Variants in CHRNB2 observed in about 807,000 individuals in gnomAD.
The protein encoded by CHRNB2 is cholinergic receptor nicotinic beta 2 subunit, also known as neuronal acetylcholine receptor subunit beta-2.
In CHRNB2, 33 loss-of-function variants were observed where a neutral mutation model predicts 42.7. The ratio of observed to expected loss-of-function variants is 0.77; its 90% CI spans 0.59 to 1.03. CHRNB2 has a LOEUF of 1.03. CHRNB2 is among the 50% of genes least tolerant of loss of function. CHRNB2 has a pLI of 0.00. For missense variants in CHRNB2, 603 were observed against 700.9 expected (o/e 0.86, Z 1.58); for synonymous variants, 325 against 292.9 (o/e 1.11, Z -1.12).
intron 5 of CHRNB2, among the ~76,000 whole-genome samples, chr1:154,572,362 T>C (rs951894685): frequency 2.6e-5 from 4 of 151,972 alleles, no homozygotes; most frequent in African/African-American, 9.7e-5. Context: ...GCGGCCTAAA[T>C]TGGAGTCGGT....
chr1:154,571,072 G>GGAT lies in CHRNB2; in HGVS notation c.366-116_366-115insATG. On this transcript the variant is annotated intron_variant, in intron 4 of 5. Transcript: ENST00000368476. The surrounding 1 kb of genome is among the most constrained non-coding windows in gnomAD (Gnocchi z 6.8). ...CTCCTGGATGGTTACTCTCAGATCT[G>GGAT]GGTGTCCCCTCCCCATGTCTCCCTC... 1 of 1,595,410 alleles carries GGAT rather than the reference G, an allele frequency of 6.3e-7. No homozygotes were observed. The highest frequency in any genetic ancestry group is 2.2e-5 in the East Asian group (1 of 44,750).
In CHRNB2 at chr1:154,579,440, G is replaced by A. The variant is rs1696347128; in HGVS notation, c.*3508G>A. On this transcript the variant is annotated 3_prime_UTR_variant, in exon 6 of 6. Transcript: ENST00000368476. ...CACTCTTGCTATAGCCGCTGAGGCA[G>A]GCAGAAGAGCTCCTTGGGAGGAAAG... 6.6e-6 allele frequency: 1 copy of A among 152,240 alleles called. No individual in the cohort carries two copies. 9.4% of individuals were successfully genotyped at this position (152,240 alleles called of 1,614,324 possible).
intron 5 of CHRNB2, among the ~76,000 whole-genome samples, chr1:154,574,783 A>G (rs1218592080): frequency 6.6e-6 from 1 of 152,246 alleles, no homozygotes; most frequent in Admixed American, 6.5e-5. Flanking sequence ...AGTGTGTAGC[A>G]TGGTGCCAGG....
At chr1:154,575,728 T>C (rs750223954) in intron 5 of CHRNB2, 34 bp from the exon 6 acceptor site, 32 of 1,613,476 alleles carry the variant, frequency 2.0e-5, no homozygotes, top group Non-Finnish European at 2.2e-5. Context: ...TCCTGCATCA[T>C]GTGACCTGGG....
chr1:154,571,709 C>G lies in CHRNB2; in HGVS notation c.886C>G (p.Leu296Val). 1 of 1,614,198 alleles carries G rather than the reference C, an allele frequency of 6.2e-7. No individual in the cohort carries two copies. The highest frequency in any genetic ancestry group is 8.5e-7 in the Non-Finnish European group (1 of 1,180,012). ...IVPPTSLDVPLVGKYLMFTMV... is the reference protein window; with the variant it reads ...IVPPTSLDVPVVGKYLMFTMV... ...GCCTCCCACCTCCCTCGACGTGCCGCTCGTCGGCAAGTACCTCATGTTCAC... is the reference window on the plus strand; with the variant it reads ...GCCTCCCACCTCCCTCGACGTGCCGGTCGTCGGCAAGTACCTCATGTTCAC... Residue 296 changes from leucine to valine, a missense_variant, in exon 5 of 6, where the codon CTC (leucine) becomes GTC (valine). Coordinates refer to ENST00000368476, the MANE Select transcript of CHRNB2 (RefSeq NM_000748.3). The surrounding 1 kb of genome is among the most constrained non-coding windows in gnomAD (Gnocchi z 6.8).
chr1:154,569,769 GCAGC>G lies in CHRNB2; in HGVS notation c.211-21_211-18del. Reference sequence around the variant, plus strand: ...CCCCACAGGCTTAGGGGCCTTCTCGGCAGCCTCTCTTCCTCCCTGCAGCATGAGC... The same window carrying G: ...CCCCACAGGCTTAGGGGCCTTCTCGGCTCTCTTCCTCCCTGCAGCATGAGC... On this transcript the variant is annotated intron_variant, in intron 2 of 5. Coordinates refer to ENST00000368476, the MANE Select transcript of CHRNB2 (RefSeq NM_000748.3). 1 of 1,614,094 alleles carries G rather than the reference GCAGC, an allele frequency of 6.2e-7. No individual in the cohort carries two copies. Among genetic ancestry groups the G allele is most frequent in the Non-Finnish European group, 8.5e-7 (1 of 1,180,010 alleles).
chr1:154,575,317 GA>G, intron 5 of CHRNB2, among the ~76,000 whole-genome samples: 1 of 152,212 alleles, frequency 6.6e-6, no homozygotes, highest in Non-Finnish European at 1.5e-5. Context: ...ACCCAGAGCA[GA>G]CAGCAGTTCA....
Position 154,571,723 on chromosome 1 carries a change from C to A in CHRNB2, c.900C>A (p.Tyr300Ter). 6.2e-7 allele frequency: 1 copy of A among 1,614,252 alleles called. No homozygotes were observed. The highest frequency in any genetic ancestry group is 8.5e-7 in the Non-Finnish European group (1 of 1,180,048). Reference protein sequence around the residue: ...TSLDVPLVGKYLMFTMVLVTF... With the variant: ...TSLDVPLVGK ...TCGACGTGCCGCTCGTCGGCAAGTA[C>A]CTCATGTTCACCATGGTGCTTGTCA... is the stretch of plus-strand genomic sequence containing the variant. The change falls in exon 5 of 6, where the codon TAC becomes TAA. Residue 300 changes from tyrosine to a stop codon, truncating the protein, a stop_gained. Transcript: ENST00000368476. LOFTEE classifies it high-confidence loss of function. The surrounding 1 kb of genome is among the most constrained non-coding windows in gnomAD (Gnocchi z 6.8).
At chr1:154,570,471 C>T (rs2101519276) in intron 4 of CHRNB2, 104 bp downstream of exon 4, 1 of 746,782 alleles carries the variant, frequency 1.3e-6, no homozygotes. Context: ...AGGGGAGGGA[C>T]TTATAATAGA....
Position 154,571,835 on chromosome 1 carries a change from G to A in CHRNB2, c.1012G>A (p.Val338Ile). ...THTMAPWVKV[V>I]FLEKLPALLF... ...CACCATGGCGCCCTGGGTGAAGGTCGTCTTCCTGGAGAAGCTGCCCGCGCT... is the reference window on the plus strand; with the variant it reads ...CACCATGGCGCCCTGGGTGAAGGTCATCTTCCTGGAGAAGCTGCCCGCGCT... The change falls in exon 5 of 6, where the codon GTC becomes ATC. Residue 338 changes from valine to isoleucine, a missense_variant. This residue lies in a region of CHRNB2 where 270 missense variants were observed against 248.3 expected (regional missense o/e 1.09). Transcript: ENST00000368476. This position sits in a 1 kb window ranked among gnomAD's most constrained non-coding sequence, Gnocchi z 6.8. 3 of 1,612,920 alleles carry A rather than the reference G, an allele frequency of 1.9e-6. 1 individual carries two copies. The South Asian group carries it at 3.3e-5, about 18-fold the overall frequency.
In CHRNB2 at chr1:154,576,454, G is replaced by T; in HGVS notation, c.*522G>T. The T allele has an allele frequency of 4.4e-6, 1 of 228,978 alleles. No homozygotes were observed. Among genetic ancestry groups the T allele is most frequent in the South Asian group, 6.4e-5 (1 of 15,658 alleles). 14.2% of individuals were successfully genotyped at this position (228,978 alleles called of 1,614,324 possible). A position where few individuals can be genotyped will look rare whatever the true frequency, so the allele number is the denominator to read the frequency against. On this transcript the variant is annotated 3_prime_UTR_variant, in exon 6 of 6. Coordinates refer to ENST00000368476, the MANE Select transcript of CHRNB2 (RefSeq NM_000748.3). The stretch of plus-strand genomic sequence containing the variant: ...AGTGGACAGCAGCTGGACTGGGTGG[G>T]CCCCACAGTGGTCAGCGATTCCTGC...
rs1696354366 is a variant in CHRNB2 at position 154,579,709 on chromosome 1, G to A, written c.*3777G>A. 1.3e-5 allele frequency: 2 copies of A among 152,318 alleles called. No homozygotes were observed. The highest frequency in any genetic ancestry group is 2.9e-5 in the Non-Finnish European group (2 of 68,120). 9.4% of individuals were successfully genotyped at this position (152,318 alleles called of 1,614,324 possible). ...GCCACGCAGTTCCTAAGGGACTGTA[G>A]GTCTAGGAATCATTAGGACACTCAC... On this transcript the variant is annotated 3_prime_UTR_variant, in exon 6 of 6. Coordinates refer to ENST00000368476, the MANE Select transcript of CHRNB2 (RefSeq NM_000748.3).
In CHRNB2 at chr1:154,571,072, G is replaced by T; in HGVS notation, c.366-117G>T. 6.3e-7 allele frequency: 1 copy of T among 1,595,410 alleles called. No homozygotes were observed. Among genetic ancestry groups the T allele is most frequent in the Non-Finnish European group, 8.5e-7 (1 of 1,172,790 alleles). On this transcript the variant is annotated intron_variant, in intron 4 of 5. Coordinates refer to ENST00000368476, the MANE Select transcript of CHRNB2 (RefSeq NM_000748.3). The surrounding 1 kb of genome is among the most constrained non-coding windows in gnomAD (Gnocchi z 6.8). ...CTCCTGGATGGTTACTCTCAGATCT[G>T]GGTGTCCCCTCCCCATGTCTCCCTC...
chr1:154,570,490 C>T, intron 4 of CHRNB2, 123 bp downstream of exon 4: 1 of 703,642 alleles, frequency 1.4e-6, no homozygotes, highest in East Asian at 2.7e-5. Context: ...GATATGTAGT[C>T]ACTACCTAGA....
intron 5 of CHRNB2, among the ~76,000 whole-genome samples, chr1:154,575,483 G>A (rs949859704): frequency 6.6e-6 from 1 of 152,162 alleles, no homozygotes; most frequent in Non-Finnish European, 1.5e-5. Flanking sequence ...GACACACTAG[G>A]GTTTGGTAGG....
chr1:154,578,291 A>G lies in CHRNB2; in HGVS notation c.*2359A>G, dbSNP rs1397939890. 1.3e-5 allele frequency: 2 copies of G among 152,244 alleles called. No homozygotes were observed. Among genetic ancestry groups the G allele is most frequent in the African/African-American group, 4.8e-5 (2 of 41,450 alleles). 9.4% of individuals were successfully genotyped at this position (152,244 alleles called of 1,614,324 possible). On this transcript the variant is annotated 3_prime_UTR_variant, in exon 6 of 6. Transcript: ENST00000368476. ...GCTGTACTTGCTTTTAATATTTCCC[A>G]TACATGGCTGTTGTCCAAGTTAAGT... is the stretch of plus-strand genomic sequence containing the variant.
intron 5 of CHRNB2, among the ~76,000 whole-genome samples, chr1:154,575,178 G>A (rs1324362947): frequency 6.6e-6 from 1 of 152,230 alleles, no homozygotes; most frequent in Non-Finnish European, 1.5e-5. Flanking sequence ...TCCAGATGTT[G>A]AGATGACAAA....
At chr1:154,575,720 C>T (rs1696259006) in intron 5 of CHRNB2, 42 bp from the exon 6 acceptor site, 1 of 1,610,704 alleles carries the variant, frequency 6.2e-7, no homozygotes, top group Non-Finnish European at 8.5e-7. Flanking sequence ...GTCTCCCATC[C>T]TGCATCATGT....
chr1:154,570,966 T>C (rs1696152049), intron 4 of CHRNB2, among the ~76,000 whole-genome samples: 1 of 151,978 alleles, frequency 6.6e-6, no homozygotes, highest in South Asian at 2.1e-4. Flanking sequence ...ACACAGGCCT[T>C]CTGACCAGGA....
Sources: gnomAD v4.1 joint callset for allele counts (sites outside exome capture counted in the v4.1 genomes callset) on GRCh38, gnomAD v4.1.1 for gene constraint, gnomAD v4.1.1 regional missense constraint, Gnocchi (gnomAD v3.1) non-coding constraint, MANE v1.5 for transcripts, NCBI Gene and HGNC (gene_info 2026-07-23, HGNC 2026-07-21) for gene names.